The following WNT3 variants were observed in gnomAD, a reference collection of about 807,000 sequenced individuals.
The protein encoded by WNT3 is Wnt family member 3, also known as proto-oncogene Wnt-3.
WNT3 carries 7 observed loss-of-function variants against 34.2 expected under a neutral mutation model. The ratio of observed to expected loss-of-function variants is 0.20; its 90% CI spans 0.12 to 0.38. The LOEUF (loss-of-function observed/expected upper bound fraction) is 0.38. Among genes scored for constraint, WNT3 ranks in the 10% least tolerant of loss-of-function variants. The pLI, the probability that WNT3 is intolerant of heterozygous loss-of-function variation, is 1.00. For synonymous variants in WNT3, 212 were observed against 211.5 expected, an observed-to-expected ratio of 1.00 and a Z score of -0.02; for missense variants, 267 against 499.8, an observed-to-expected ratio of 0.53 and a Z score of 4.44.
chr17:46,781,677 A>G (rs1489725214), intron 1 of WNT3, among the ~76,000 whole-genome samples: 1 of 152,178 alleles, frequency 6.6e-6, no homozygotes, highest in Non-Finnish European at 1.5e-5. Context: ...ACAGCATTGG[A>G]ATGTACTTAA....
chr17:46,812,519 G>A (rs561176515), intron 1 of WNT3, among the ~76,000 whole-genome samples: 2 of 152,156 alleles, frequency 1.3e-5, no homozygotes, highest in Admixed American at 1.3e-4. Flanking sequence ...CCCCTTCTGT[G>A]CCCAGCCCCC....
chr17:46,770,120 G>A, intron 2 of WNT3, 72 bp from the exon 3 acceptor site: 2 of 1,471,404 alleles, frequency 1.4e-6, no homozygotes, highest in African/African-American at 1.4e-5. Flanking sequence ...CCACCTCCCA[G>A]GCCAGGACGT....
rs997793566 is a variant in WNT3 at position 46,793,367 on chromosome 17, G to A, written c.81-19458C>T. Among the ~76,000 whole-genome samples the A allele has an allele frequency of 1.2e-4, 18 of 151,688 alleles. No homozygotes were observed. In the East Asian group the frequency reaches 3.5e-3, roughly 29 times the overall value. ...TGTTCATGGAAGGCTAAGGAGAAAGGGAAGGAAGTGCTCAGGTCCTGCTCT... is the reference window on the plus strand; with the variant it reads ...TGTTCATGGAAGGCTAAGGAGAAAGAGAAGGAAGTGCTCAGGTCCTGCTCT... On this transcript the variant is annotated intron_variant, in intron 1 of 4. Coordinates refer to ENST00000225512, the MANE Select transcript of WNT3 (RefSeq NM_030753.5).
At chr17:46,804,362 C>T (rs940777189) in intron 1 of WNT3, among the ~76,000 whole-genome samples, 3 of 152,228 alleles carry the variant, frequency 2.0e-5, no homozygotes, top group Admixed American at 2.0e-4. Flanking sequence ...GCTGGGACTA[C>T]AGGCGCAAGC....
chr17:46,777,087 G>A (rs915674344), intron 1 of WNT3, among the ~76,000 whole-genome samples: 7 of 152,212 alleles, frequency 4.6e-5, no homozygotes, highest in African/African-American at 1.7e-4. Flanking sequence ...GCTCACGCCT[G>A]TAATCCCAGC....
At position 46,818,681 on chromosome 17, in the gene WNT3, G is replaced by T; in HGVS notation, c.-84C>A. 7.6e-7 allele frequency: 1 copy of T among 1,315,430 alleles called. No homozygotes were observed. The highest frequency in any genetic ancestry group is 1.1e-6 in the Non-Finnish European group (1 of 932,116). The allele number at this position is 1,315,430 out of a possible 1,614,324, so 81.5% of individuals were successfully genotyped here. On this transcript the variant is annotated 5_prime_UTR_variant, in exon 1 of 5. Transcript: ENST00000225512. ...CCAATAGTTGGAACAAAGTCCACTTGAGATTGGAAATGACTTTCGGGCTTG... is the reference window on the plus strand; with the variant it reads ...CCAATAGTTGGAACAAAGTCCACTTTAGATTGGAAATGACTTTCGGGCTTG...
chr17:46,773,846 G>T lies in WNT3; in HGVS notation c.144C>A (p.Ile48=). 6.2e-7 allele frequency: 1 copy of T among 1,613,178 alleles called. No individual in the cohort carries two copies. The highest frequency in any genetic ancestry group is 8.5e-7 in the Non-Finnish European group (1 of 1,180,020). The change falls in exon 2 of 5, where the codon ATC becomes ATA. Residue 48 remains isoleucine, a synonymous_variant. Transcript: ENST00000225512. ...LGSQPLLCGS[I]PGLVPKQLRF... is the part of the protein sequence containing the mutation. ...GCAGTTGCTTGGGGACCAGGCCTGGGATGGAGCCGCAGAGCAGGGGCTGTG... is the reference window on the plus strand; with the variant it reads ...GCAGTTGCTTGGGGACCAGGCCTGGTATGGAGCCGCAGAGCAGGGGCTGTG...
At position 46,768,749 on chromosome 17, in the gene WNT3, G is replaced by A. The variant is rs2059336375; in HGVS notation, c.639C>T (p.Gly213=). The A allele has an allele frequency of 6.2e-7, 1 of 1,613,966 alleles. No homozygotes were observed. The highest frequency in any genetic ancestry group is 1.3e-5 in the African/African-American group (1 of 74,936). The change falls in exon 4 of 5, where the codon GGC becomes GGT. Residue 213 remains glycine (G), a synonymous_variant. Coordinates refer to ENST00000225512, the MANE Select transcript of WNT3 (RefSeq NM_030753.5). The surrounding 1 kb of genome is among the most constrained non-coding windows in gnomAD (Gnocchi z 5.0). ...HLKCKCHGLS[G]SCEVKTCWWA... ...ACCAGCAGGTCTTCACCTCACAGCT[G>A]CCCGACAGCCCGTGGCACTTGCATT...
chr17:46,815,576 A>G (rs1431560230), intron 1 of WNT3, among the ~76,000 whole-genome samples: 1 of 152,028 alleles, frequency 6.6e-6, no homozygotes, highest in East Asian at 1.9e-4. Context: ...TGGGGGCAGA[A>G]ATGGGATCAG....
chr17:46,795,275 G>A (rs899944101), intron 1 of WNT3, among the ~76,000 whole-genome samples: 11 of 152,082 alleles, frequency 7.2e-5, no homozygotes, highest in Non-Finnish European at 1.3e-4. Context: ...CCCCTCTACC[G>A]GCGCCCCATG....
Position 46,818,649 on chromosome 17 carries a change from G to C in WNT3, c.-52C>G. 1 of 1,486,822 alleles carries C rather than the reference G, an allele frequency of 6.7e-7. No homozygotes were observed. Among genetic ancestry groups the C allele is most frequent in the African/African-American group, 1.4e-5 (1 of 72,376 alleles). 92.1% of individuals were successfully genotyped at this position (1,486,822 alleles called of 1,614,324 possible). A position where few individuals can be genotyped will look rare whatever the true frequency, so the allele number is the denominator to read the frequency against. On this transcript the variant is annotated 5_prime_UTR_variant, in exon 1 of 5. Coordinates refer to ENST00000225512, the MANE Select transcript of WNT3 (RefSeq NM_030753.5). ...GCCCGCGACCATGAAGAGGGGGAGCGACGCCCCCAATAGTTGGAACAAAGT... is the reference window on the plus strand; with the variant it reads ...GCCCGCGACCATGAAGAGGGGGAGCCACGCCCCCAATAGTTGGAACAAAGT...
intron 1 of WNT3, among the ~76,000 whole-genome samples, chr17:46,810,222 G>A (rs1480509493): frequency 6.6e-6 from 1 of 151,384 alleles, no homozygotes; most frequent in Non-Finnish European, 1.5e-5. Context: ...TGGCCAAGCA[G>A]GCCTCAAACT....
intron 1 of WNT3, among the ~76,000 whole-genome samples, chr17:46,816,339 CGTG>C (rs367913110): frequency 6.6e-6 from 1 of 151,946 alleles, no homozygotes; most frequent in African/African-American, 2.4e-5. Context: ...CACAACCTGT[CGTG>C]GGCATGGATC....
At chr17:46,783,242 C>G (rs533293396) in intron 1 of WNT3, among the ~76,000 whole-genome samples, 1 of 152,178 alleles carries the variant, frequency 6.6e-6, no homozygotes, top group South Asian at 2.1e-4. Flanking sequence ...AGCAGCTGCC[C>G]GGGCTCTAAG....
chr17:46,762,652 TAA>T lies in WNT3; in HGVS notation c.*1976_*1977del, dbSNP rs2059279282. 1 of 151,590 alleles carries T rather than the reference TAA, an allele frequency of 6.6e-6. No homozygotes were observed. The highest frequency in any genetic ancestry group is 1.5e-5 in the Non-Finnish European group (1 of 67,960). The allele number at this position is 151,590 out of a possible 1,614,324, so 9.4% of individuals were successfully genotyped here. A position where few individuals can be genotyped will look rare whatever the true frequency, so the allele number is the denominator to read the frequency against. On this transcript the variant is annotated 3_prime_UTR_variant, in exon 5 of 5. Transcript: ENST00000225512. ...TACATTGTATAATAAATAATATTTA[TAA>T]AAAGAGACTTTTTGAATATAAAATC...
intron 1 of WNT3, among the ~76,000 whole-genome samples, chr17:46,775,183 TACA>T (rs1416202335): frequency 2.0e-5 from 3 of 152,228 alleles, no homozygotes; most frequent in Admixed American, 6.5e-5. Context: ...GCACTTTATA[TACA>T]ACATTTCTGA....
chr17:46,813,164 A>G (rs919835187), intron 1 of WNT3, among the ~76,000 whole-genome samples: 1 of 151,926 alleles, frequency 6.6e-6, no homozygotes, highest in African/African-American at 2.4e-5. Flanking sequence ...TGTCTAATAC[A>G]GGCCCGGAAT....
At chr17:46,788,663 G>GT (rs961757767) in intron 1 of WNT3, among the ~76,000 whole-genome samples, 5 of 152,328 alleles carry the variant, frequency 3.3e-5, no homozygotes, top group South Asian at 2.1e-4. Flanking sequence ...TTGATGGTGA[G>GT]TTTTTTGAGA....
At chr17:46,807,601 C>T (rs1172536116) in intron 1 of WNT3, among the ~76,000 whole-genome samples, 2 of 152,170 alleles carry the variant, frequency 1.3e-5, no homozygotes, top group East Asian at 1.9e-4. Flanking sequence ...CTTTTTAATT[C>T]GCATGTGCCT....
Sources: allele counts gnomAD v4.1 joint callset (sites outside exome capture counted in the v4.1 genomes callset), GRCh38; gene constraint gnomAD v4.1.1; non-coding constraint Gnocchi (gnomAD v3.1); transcripts MANE v1.5; gene names NCBI Gene and HGNC (gene_info 2026-07-23, HGNC 2026-07-21).